The following HMX1 variants were observed in gnomAD, a reference collection of about 807,000 sequenced individuals.
HMX1 encodes the protein H6 family homeobox 1.
Under a neutral mutation model 8.9 loss-of-function variants are expected in HMX1, and 8 were observed. The ratio of observed to expected loss-of-function variants is 0.90; its 90% CI spans 0.53 to 1.63. The LOEUF (loss-of-function observed/expected upper bound fraction) is 1.63, where lower values mean the gene tolerates loss of function less well. Among genes scored for constraint, HMX1 ranks in the 40% most tolerant of loss-of-function variants. HMX1 has a pLI of 0.00. For synonymous variants in HMX1, 311 were observed against 283.4 expected, an observed-to-expected ratio of 1.10 and a Z score of -0.98; for missense variants, 621 against 558.5, an observed-to-expected ratio of 1.11 and a Z score of -1.13.
intron 1 of HMX1, among the ~76,000 whole-genome samples, chr4:8,855,267 G>A (rs536065621): frequency 2.2e-4 from 33 of 152,380 alleles, no homozygotes; most frequent in Admixed American, 6.5e-4. Flanking sequence ...CCTCCACTGT[G>A]TGGCTGCGGT....
chr4:8,861,063 G>C (rs977990458), intron 1 of HMX1, among the ~76,000 whole-genome samples: 1 of 152,042 alleles, frequency 6.6e-6, no homozygotes, highest in Non-Finnish European at 1.5e-5. Flanking sequence ...CGGAGACGGT[G>C]AAGAGGCGGG....
At position 8,853,253 on chromosome 4, in the gene HMX1, G is replaced by A. The variant is rs1042333959; in HGVS notation, c.395-6929C>T. 2.6e-5 allele frequency among the ~76,000 whole-genome samples: 4 copies of A among 152,182 alleles called. No homozygotes were observed. Among genetic ancestry groups the A allele is most frequent in the Admixed American group, 6.5e-5 (1 of 15,284 alleles). On this transcript the variant is annotated intron_variant, in intron 1 of 1. Coordinates refer to the HMX1 transcript ENST00000506970. The surrounding 1 kb of genome is among the most constrained non-coding windows in gnomAD (Gnocchi z 4.7). ...AGCTGGTAAACCATCCAGGAGGTAG[G>A]ACAGCTCTGCCCCAGGTCACCAGGG...
At position 8,848,634 on chromosome 4, in the gene HMX1, A is replaced by G. The variant is rs138175002; in HGVS notation, c.395-2310T>C. On this transcript the variant is annotated intron_variant, in intron 1 of 1. Coordinates refer to the HMX1 transcript ENST00000506970. The surrounding 1 kb of genome is among the most constrained non-coding windows in gnomAD (Gnocchi z 4.1). ...CATGCTTGGAGGTGCCGGCTGCTGT[A>G]GACCAACCTAAACCAGGCTCCCCCA... Among the ~76,000 whole-genome samples the G allele has an allele frequency of 3.2e-3, 480 of 152,300 alleles. 6 individuals are homozygous for G. The highest frequency in any genetic ancestry group is 0.011 in the African/African-American group (446 of 41,574).
downstream of HMX1, among the ~76,000 whole-genome samples, chr4:8,865,801 G>A (rs1044590350): frequency 1.3e-5 from 2 of 152,182 alleles, no homozygotes; most frequent in African/African-American, 4.8e-5. Context: ...CCTCCCAGAT[G>A]AAACCGAGTG....
chr4:8,857,403 G>A (rs1362178215), intron 1 of HMX1, among the ~76,000 whole-genome samples: 5 of 152,314 alleles, frequency 3.3e-5, no homozygotes, highest in South Asian at 2.1e-4. Flanking sequence ...AGGAGGCGGG[G>A]TCTGGGGCAG....
At chr4:8,860,157 T>G (rs1721749040) in intron 1 of HMX1, among the ~76,000 whole-genome samples, 2 of 152,208 alleles carry the variant, frequency 1.3e-5, no homozygotes, top group Non-Finnish European at 2.9e-5. Flanking sequence ...GCGCGCGGCG[T>G]GGCTGCCCTG....
downstream of HMX1, among the ~76,000 whole-genome samples, chr4:8,863,429 C>T (rs950404284): frequency 6.6e-6 from 1 of 152,250 alleles, no homozygotes; most frequent in African/African-American, 2.4e-5. Context: ...CTTCCGTCTC[C>T]GCCCAGCTGG....
At chr4:8,860,803 T>G (rs1221956885) in intron 1 of HMX1, 1 of 152,270 alleles carries the variant, frequency 6.6e-6, no homozygotes, top group Non-Finnish European at 1.5e-5. Context: ...GGGGTGGCGG[T>G]GCGGAGACCG....
Position 8,848,637 on chromosome 4 carries a change from C to T in HMX1, c.395-2313G>A, listed in dbSNP as rs2109451676. On this transcript the variant is annotated intron_variant, in intron 1 of 1. Coordinates refer to the HMX1 transcript ENST00000506970. The surrounding 1 kb of genome is among the most constrained non-coding windows in gnomAD (Gnocchi z 4.1). ...GCTTGGAGGTGCCGGCTGCTGTAGA[C>T]CAACCTAAACCAGGCTCCCCCATCC... 6.6e-6 allele frequency among the ~76,000 whole-genome samples: 1 copy of T among 152,306 alleles called. No homozygotes were observed. Among genetic ancestry groups the T allele is most frequent in the East Asian group, 1.9e-4 (1 of 5,178 alleles).
At chr4:8,864,870 T>C (rs1209250511), downstream of HMX1, among the ~76,000 whole-genome samples, 1 of 152,184 alleles carries the variant, frequency 6.6e-6, no homozygotes, top group African/African-American at 2.4e-5. Context: ...TCGAGGCCCA[T>C]AAGACGCTCT....
intron 1 of HMX1, among the ~76,000 whole-genome samples, chr4:8,859,626 A>G (rs1721729987): frequency 6.6e-6 from 1 of 152,200 alleles, no homozygotes; most frequent in South Asian, 2.1e-4. Flanking sequence ...AGCTGGGCTC[A>G]GCATCCTCAT....
Position 8,868,340 on chromosome 4 carries a change from C to A in HMX1, c.400G>T (p.Asp134Tyr). Reference protein sequence around the residue: ...YGGGLSPDTSDRDSPETGEEM... With the variant: ...YGGGLSPDTSYRDSPETGEEM... ...TCGCCCGTCTCCGGTGAGTCCCGGT[C>A]GCTGGCTGCAGGGGAGAGAGGGCAC... Residue 134 changes from aspartate (D) to tyrosine (Y), a missense_variant, in exon 2 of 2, where the codon GAC (aspartate) becomes TAC (tyrosine). By Grantham distance (160) the Asp-to-Tyr change is radical (BLOSUM62 -3). Transcript: ENST00000400677. The surrounding 1 kb of genome is among the most constrained non-coding windows in gnomAD (Gnocchi z 4.6). The A allele has an allele frequency of 1.4e-6, 2 of 1,384,422 alleles. No individual in the cohort carries two copies. Among genetic ancestry groups the A allele is most frequent in the Non-Finnish European group, 9.3e-7 (1 of 1,078,596 alleles). The allele number at this position is 1,384,422 out of a possible 1,614,324, so 85.8% of individuals were successfully genotyped here.
At chr4:8,854,899 A>G (rs149334303) in intron 1 of HMX1, among the ~76,000 whole-genome samples, 2 of 152,368 alleles carry the variant, frequency 1.3e-5, no homozygotes, top group Non-Finnish European at 2.9e-5. Flanking sequence ...CTGTAAATAC[A>G]GAAGCGTGCA....
intron 1 of HMX1, among the ~76,000 whole-genome samples, chr4:8,861,703 T>G (rs1430066027): frequency 6.7e-6 from 1 of 149,440 alleles, no homozygotes; most frequent in African/African-American, 2.6e-5. Flanking sequence ...AGCTCTGGCC[T>G]GGGGCGCCGT....
downstream of HMX1, among the ~76,000 whole-genome samples, chr4:8,862,146 T>C (rs1309690150): frequency 6.6e-6 from 1 of 152,224 alleles, no homozygotes; most frequent in Non-Finnish European, 1.5e-5. Flanking sequence ...CCGGGAAAGC[T>C]GCGTGGAAAA....
At chr4:8,846,202 T>G in exon 2 of HMX1, 1 of 1,445,338 alleles carries the variant, frequency 6.9e-7, no homozygotes, top group Non-Finnish European at 9.4e-7. Context: ...CACCATCCAG[T>G]CCCTGCGGCC....
exon 2 of HMX1, chr4:8,846,117 G>A (rs1560161737): frequency 3.0e-6 from 2 of 667,588 alleles, no homozygotes; most frequent in Admixed American, 5.2e-5. Flanking sequence ...CACACTGAGT[G>A]CCCCCTGTGG....
intron 1 of HMX1, among the ~76,000 whole-genome samples, chr4:8,859,785 G>A (rs1036930754): frequency 3.9e-5 from 6 of 152,242 alleles, no homozygotes; most frequent in African/African-American, 2.4e-5. Flanking sequence ...GAATACCGTG[G>A]AACAAGGCGG....
rs1013303563 is a variant in HMX1, at chr4:8,848,501, C to A, written c.395-2177G>T. On this transcript the variant is annotated intron_variant, in intron 1 of 1. Transcript: ENST00000506970. The surrounding 1 kb of genome is among the most constrained non-coding windows in gnomAD (Gnocchi z 4.1). Reference sequence around the variant, plus strand: ...AGTACTTGGAATGCCCTAGTTCAATCCCCTTGTTTTACAAATAGGAAACCT... The same window carrying A: ...AGTACTTGGAATGCCCTAGTTCAATACCCTTGTTTTACAAATAGGAAACCT... Among the ~76,000 whole-genome samples, 1 of 152,180 alleles carries A rather than the reference C, an allele frequency of 6.6e-6. No individual in the cohort carries two copies. Among genetic ancestry groups the A allele is most frequent in the Non-Finnish European group, 1.5e-5 (1 of 68,046 alleles).
Sources: allele counts gnomAD v4.1 joint callset (sites outside exome capture counted in the v4.1 genomes callset), GRCh38; gene constraint gnomAD v4.1.1; non-coding constraint Gnocchi (gnomAD v3.1); transcripts MANE v1.5; gene names NCBI Gene and HGNC (gene_info 2026-07-23, HGNC 2026-07-21).